Variants in YWHAZ observed in about 807,000 individuals in gnomAD.
YWHAZ encodes the protein 14-3-3 protein zeta/delta.
For synonymous variants in YWHAZ, 87 were observed against 103.6 expected, an observed-to-expected ratio of 0.84 and a Z score of 0.97; for missense variants, 79 against 284.8, an observed-to-expected ratio of 0.28 and a Z score of 5.20.
At chr8:100,932,373 A>G (rs1303685609) in intron 2 of YWHAZ, among the ~76,000 whole-genome samples, 1 of 152,150 alleles carries the variant, frequency 6.6e-6, no homozygotes, top group East Asian at 1.9e-4. Context: ...TATTTAAGTA[A>G]TATTACCTTA....
chr8:100,952,519 T>G (rs2130399102), upstream of YWHAZ: 1 of 156,060 alleles, frequency 6.4e-6, no homozygotes. Flanking sequence ...TCACTCCCTC[T>G]GGAAGGGGCT....
chr8:100,951,791 TGAG>T, intron 1 of YWHAZ, 135 bp downstream of exon 1: 1 of 985,130 alleles, frequency 1.0e-6, no homozygotes, highest in African/African-American at 1.7e-5. Context: ...CCGTGTCCGC[TGAG>T]GAGACTCCGC....
chr8:100,933,340 C>CA (rs1813891529), intron 2 of YWHAZ, among the ~76,000 whole-genome samples: 1 of 147,470 alleles, frequency 6.8e-6, no homozygotes, highest in Non-Finnish European at 1.5e-5. Context: ...GCCTGGGTAA[C>CA]AGAGTGAGCC....
intron 5 of YWHAZ, among the ~76,000 whole-genome samples, chr8:100,921,533 C>G (rs1746722423): frequency 6.6e-6 from 1 of 152,184 alleles, no homozygotes; most frequent in Admixed American, 6.5e-5. Flanking sequence ...CCATGAAATT[C>G]AAGAACCAGC....
intron 2 of YWHAZ, among the ~76,000 whole-genome samples, chr8:100,935,575 A>G (rs1414815538): frequency 6.6e-6 from 1 of 152,224 alleles, no homozygotes; most frequent in Non-Finnish European, 1.5e-5. Context: ...AAACACATAT[A>G]TTCAGAAACA....
At position 100,918,916 on chromosome 8, in the gene YWHAZ, A is replaced by G. The variant is rs1812841455; in HGVS notation, c.*1777T>C. The G allele has an allele frequency of 2.0e-5, 3 of 152,584 alleles. No individual in the cohort carries two copies. Among genetic ancestry groups the G allele is most frequent in the African/African-American group, 7.2e-5 (3 of 41,452 alleles). 9.5% of individuals were successfully genotyped at this position (152,584 alleles called of 1,614,324 possible). On this transcript the variant is annotated 3_prime_UTR_variant, in exon 6 of 6. Transcript: ENST00000395958. ...TTTTGTAAAGTGAGCTTTGGGTATA[A>G]CTTAGCCCCATCATTATTTAGAGAA...
rs370538552 is a variant in YWHAZ, at chr8:100,949,033, T to A, written c.-11-133A>T. Reference sequence around the variant, plus strand: ...GTGAAAGACTGTTCACATGAGGAATTAAAATGCAGCCTCACAAAAGGATAG... The same window carrying A: ...GTGAAAGACTGTTCACATGAGGAATAAAAATGCAGCCTCACAAAAGGATAG... On this transcript the variant is annotated intron_variant, in intron 1 of 5. Transcript: ENST00000395958. The A allele has an allele frequency of 3.3e-4, 356 of 1,080,118 alleles. 6 individuals carry two copies. In the South Asian group the frequency reaches 5.7e-3, roughly 17 times the overall value. 66.9% of individuals were successfully genotyped at this position (1,080,118 alleles called of 1,614,324 possible). A position where few individuals can be genotyped will look rare whatever the true frequency, so the allele number is the denominator to read the frequency against.
At chr8:100,946,210 TTCATAAGGAAACTAAAGGGAA>T (rs1375822916) in intron 2 of YWHAZ, among the ~76,000 whole-genome samples, 4 of 152,168 alleles carry the variant, frequency 2.6e-5, no homozygotes, top group African/African-American at 7.2e-5. Context: ...ACAAAGTTTC[TTCATAAGGAAACTAAAGGGAA>T]GCATAGTCAA....
intron 2 of YWHAZ, among the ~76,000 whole-genome samples, chr8:100,930,935 G>A (rs926141288): frequency 8.5e-5 from 13 of 152,058 alleles, no homozygotes; most frequent in African/African-American, 2.9e-4. Flanking sequence ...ACAAGAAGCC[G>A]GTATCTAATA....
At chr8:100,937,394 G>GA (rs1814228346) in intron 2 of YWHAZ, among the ~76,000 whole-genome samples, 1 of 151,786 alleles carries the variant, frequency 6.6e-6, no homozygotes, top group African/African-American at 2.4e-5. Context: ...GGGGTGGAGA[G>GA]AAAGTTCTCA....
At chr8:100,925,366 G>A (rs1332049649) in intron 2 of YWHAZ, among the ~76,000 whole-genome samples, 2 of 152,190 alleles carry the variant, frequency 1.3e-5, no homozygotes, top group African/African-American at 4.8e-5. Flanking sequence ...ATTTTCTAAT[G>A]AGCTGGCAAG....
chr8:100,952,609 C>A (rs1428332677), upstream of YWHAZ: 3 of 226,558 alleles, frequency 1.3e-5, no homozygotes, highest in Non-Finnish European at 2.2e-5. Context: ...CCGTGCTTCG[C>A]GGTAGTAACT....
At chr8:100,953,114 C>T, upstream of YWHAZ, 5 of 988,084 alleles carry the variant, frequency 5.1e-6, no homozygotes, top group Non-Finnish European at 6.0e-6. Flanking sequence ...AAAGGACAGC[C>T]TTCTCGGGCG....
At chr8:100,926,026 G>A (rs532310804) in intron 2 of YWHAZ, among the ~76,000 whole-genome samples, 55 of 145,924 alleles carry the variant, frequency 3.8e-4, no homozygotes, top group African/African-American at 1.3e-3. Context: ...TTTCAGCTGA[G>A]CTAAATTCCA....
rs1197673711 is a variant in YWHAZ at position 100,919,467 on chromosome 8, G to A, written c.*1226C>T. 6.6e-6 allele frequency: 1 copy of A among 152,338 alleles called. No homozygotes were observed. The highest frequency in any genetic ancestry group is 6.5e-5 in the Admixed American group (1 of 15,276). 9.4% of individuals were successfully genotyped at this position (152,338 alleles called of 1,614,324 possible). A position where few individuals can be genotyped will look rare whatever the true frequency, so the allele number is the denominator to read the frequency against. On this transcript the variant is annotated 3_prime_UTR_variant, in exon 6 of 6. Coordinates refer to ENST00000395958, the MANE Select transcript of YWHAZ (RefSeq NM_145690.3). ...TCCCCCCCTCTCCCAGAAAAAATAG[G>A]AACTCATTTTTTTCAGGGTGGGGAG...
Position 100,948,275 on chromosome 8 carries a change from T to C in YWHAZ, c.294+321A>G, listed in dbSNP as rs1465666547. 2.2e-5 allele frequency: 16 copies of C among 735,194 alleles called. No individual in the cohort carries two copies. The highest frequency in any genetic ancestry group is 1.3e-4 in the South Asian group (6 of 45,378). The allele number at this position is 735,194 out of a possible 1,614,324, so 45.5% of individuals were successfully genotyped here. A position where few individuals can be genotyped will look rare whatever the true frequency, so the allele number is the denominator to read the frequency against. On this transcript the variant is annotated intron_variant, in intron 2 of 5. Coordinates refer to ENST00000395958, the MANE Select transcript of YWHAZ (RefSeq NM_145690.3). The surrounding 1 kb of genome is among the most constrained non-coding windows in gnomAD (Gnocchi z 4.2). ...GATGTACATTTAAGATAACCAGCTA[T>C]AGAGCTACTACAAATATTCTAACCA...
intron 2 of YWHAZ, among the ~76,000 whole-genome samples, chr8:100,946,631 G>C (rs1271537322): frequency 2.0e-5 from 3 of 151,988 alleles, no homozygotes; most frequent in Non-Finnish European, 4.4e-5. Flanking sequence ...ACAATGACAG[G>C]AACTTTTATA....
chr8:100,920,944 G>T (rs954892465), intron 5 of YWHAZ, among the ~76,000 whole-genome samples, 192 bp from the exon 6 acceptor site: 1 of 152,110 alleles, frequency 6.6e-6, no homozygotes, highest in African/African-American at 2.4e-5. Context: ...CACTATATAA[G>T]CAGGTTAAGT....
chr8:100,921,691 C>A (rs1009623369), intron 5 of YWHAZ, among the ~76,000 whole-genome samples: 13 of 152,330 alleles, frequency 8.5e-5, no homozygotes, highest in African/African-American at 3.1e-4. Context: ...TTGCACTACC[C>A]TATCATATGA....
Sources: gnomAD v4.1 joint callset for allele counts (sites outside exome capture counted in the v4.1 genomes callset) on GRCh38, gnomAD v4.1.1 for gene constraint, Gnocchi (gnomAD v3.1) non-coding constraint, MANE v1.5 for transcripts, NCBI Gene and HGNC (gene_info 2026-07-23, HGNC 2026-07-21) for gene names.